SOX5: variants seen among roughly 807,000 people sequenced by gnomAD.
The protein encoded by SOX5 is transcription factor SOX-5.
A neutral mutation model predicts 92.0 loss-of-function variants in SOX5; 9 were observed. The ratio of observed to expected loss-of-function variants is 0.10; its 90% CI spans 0.06 to 0.17. SOX5 has a LOEUF of 0.17. SOX5 is among the 10% of genes least tolerant of loss of function. SOX5 has a pLI of 1.00. For synonymous variants in SOX5, 344 were observed against 336.3 expected, an observed-to-expected ratio of 1.02 and a Z score of -0.25; for missense variants, 642 against 944.5, an observed-to-expected ratio of 0.68 and a Z score of 4.20.
intron 1 of SOX5, among the ~76,000 whole-genome samples, chr12:24,502,686 G>A (rs1293302621): frequency 6.6e-6 from 1 of 152,136 alleles, no homozygotes; most frequent in African/African-American, 2.4e-5. Context: ...TAGTCTCACA[G>A]TATTTACCCC....
rs138525357 is a variant in SOX5 at position 23,717,835 on chromosome 12, G to C, written c.810+16849C>G. Among the ~76,000 whole-genome samples the C allele has an allele frequency of 5.4e-3, 819 of 152,316 alleles. 7 individuals are homozygous for C. The highest frequency in any genetic ancestry group is 0.019 in the South Asian group (93 of 4,824). ...TTAAGTTAACACTGTACTGCAAAGAGAAAAGTTTTATAACTATATTCCAGC... is the reference window on the plus strand; with the variant it reads ...TTAAGTTAACACTGTACTGCAAAGACAAAAGTTTTATAACTATATTCCAGC... On this transcript the variant is annotated intron_variant, in intron 6 of 14. Transcript: ENST00000451604.
rs1043228964 is a variant in SOX5, at chr12:24,437,579, C to T, written c.-250-68940G>A. Reference sequence around the variant, plus strand: ...ATCCAGAATCTACAAAGAACTTAAACAAATTTACAAGAAAAAACAAACAAC... The same window carrying T: ...ATCCAGAATCTACAAAGAACTTAAATAAATTTACAAGAAAAAACAAACAAC... On this transcript the variant is annotated intron_variant, in intron 1 of 4. Transcript: ENST00000446891. 3.3e-5 allele frequency among the ~76,000 whole-genome samples: 5 copies of T among 152,046 alleles called. No individual in the cohort carries two copies. In the South Asian group the frequency reaches 6.2e-4, roughly 19 times the overall value.
intron 1 of SOX5, among the ~76,000 whole-genome samples, chr12:24,480,749 G>A (rs1445778363): frequency 6.6e-6 from 1 of 151,260 alleles, no homozygotes; most frequent in Non-Finnish European, 1.5e-5. Context: ...TACATGAAAG[G>A]CAATAACAAG....
chr12:23,611,469 G>C (rs61925672), intron 8 of SOX5, among the ~76,000 whole-genome samples: 36,368 of 151,410 alleles, frequency 0.24, 5,347 homozygotes, highest in Middle Eastern at 0.36. Flanking sequence ...CCATGTCTTG[G>C]TTATCGTAAA....
chr12:24,253,634 C>T (rs187213232), intron 3 of SOX5, among the ~76,000 whole-genome samples: 4 of 152,222 alleles, frequency 2.6e-5, no homozygotes, highest in Non-Finnish European at 5.9e-5. Flanking sequence ...ATTGAATGGG[C>T]TATCATGCAG....
At chr12:23,608,219 A>G (rs952093121) in intron 8 of SOX5, among the ~76,000 whole-genome samples, 1 of 151,970 alleles carries the variant, frequency 6.6e-6, no homozygotes, top group African/African-American at 2.4e-5. Flanking sequence ...ATAACAGAAT[A>G]ACTTGACTCT....
At chr12:24,154,902 A>G (rs868013952) in intron 4 of SOX5, among the ~76,000 whole-genome samples, 1 of 152,086 alleles carries the variant, frequency 6.6e-6, no homozygotes, top group Non-Finnish European at 1.5e-5. Flanking sequence ...TTAAAAAATT[A>G]TAAAACTTGT....
intron 12 of SOX5, among the ~76,000 whole-genome samples, chr12:23,545,609 G>C (rs1297274474): frequency 6.6e-6 from 1 of 152,056 alleles, no homozygotes; most frequent in African/African-American, 2.4e-5. Flanking sequence ...TAGGGAGAAG[G>C]GTTCCAAAAT....
chr12:24,253,058 T>C (rs1381016271), intron 3 of SOX5, among the ~76,000 whole-genome samples: 2 of 151,648 alleles, frequency 1.3e-5, no homozygotes, highest in Non-Finnish European at 1.5e-5. Context: ...GCACTTCAGC[T>C]AGGAAACAAG....
intron 1 of SOX5, among the ~76,000 whole-genome samples, chr12:24,448,797 A>G (rs1437374095): frequency 6.6e-6 from 1 of 152,276 alleles, no homozygotes; most frequent in East Asian, 1.9e-4. Context: ...TCTCCAGCCC[A>G]GACCTCACTC....
At chr12:23,742,216 A>G (rs1427983496) in intron 4 of SOX5, among the ~76,000 whole-genome samples, 2 of 152,202 alleles carry the variant, frequency 1.3e-5, no homozygotes, top group African/African-American at 4.8e-5. Flanking sequence ...AGGAAGTAGC[A>G]GCTATAGTTA....
In SOX5 at chr12:24,086,758, A is replaced by G. The variant is rs1415661501; in HGVS notation, c.-2+126585T>C. Among the ~76,000 whole-genome samples the G allele has an allele frequency of 2.6e-5, 4 of 151,988 alleles. No homozygotes were observed. In the East Asian group the frequency reaches 7.7e-4, roughly 29 times the overall value. ...TTCAGCAAAACAGTTAAGCTCTTCT[A>G]TTTTCTTTCTTTACATTAGTCGTTA... On this transcript the variant is annotated intron_variant, in intron 4 of 4. Transcript: ENST00000446891.
chr12:24,521,346 C>T (rs2138486131), intron 1 of SOX5, among the ~76,000 whole-genome samples: 1 of 152,340 alleles, frequency 6.6e-6, no homozygotes, highest in African/African-American at 2.4e-5. Context: ...TGAGCCACCA[C>T]ACCTGGCCAA....
At chr12:23,855,026 T>C (rs1181583285) in intron 2 of SOX5, among the ~76,000 whole-genome samples, 1 of 151,340 alleles carries the variant, frequency 6.6e-6, no homozygotes, top group Non-Finnish European at 1.5e-5. Context: ...CCTATAAAGA[T>C]GAATAAAACA....
intron 9 of SOX5, chr12:23,582,033 T>C (rs767685847): frequency 5.2e-6 from 2 of 386,834 alleles, no homozygotes; most frequent in Non-Finnish European, 7.1e-6. Context: ...AGTAAAGGCA[T>C]TCATGAAACA....
At chr12:23,629,877 G>T (rs1174849557) in intron 8 of SOX5, among the ~76,000 whole-genome samples, 1 of 151,852 alleles carries the variant, frequency 6.6e-6, no homozygotes, top group African/African-American at 2.4e-5. Flanking sequence ...AATAAATAAA[G>T]ATTCCAGGAT....
intron 3 of SOX5, among the ~76,000 whole-genome samples, chr12:23,804,074 C>G (rs1445616074): frequency 1.3e-5 from 2 of 152,064 alleles, no homozygotes; most frequent in Admixed American, 1.3e-4. Context: ...CATCAATTCC[C>G]TTATTCAATG....
At chr12:23,708,709 A>G (rs12308223) in intron 6 of SOX5, among the ~76,000 whole-genome samples, 2,579 of 152,286 alleles carry the variant, frequency 0.017, 65 homozygotes, top group African/African-American at 0.058. Context: ...AGACATAAGG[A>G]ATATCATAAA....
chr12:23,731,011 G>A lies in SOX5; in HGVS notation c.810+3673C>T, dbSNP rs148601268. Among the ~76,000 whole-genome samples the A allele has an allele frequency of 7.2e-3, 1,099 of 152,296 alleles. 1 individual carries two copies. Among genetic ancestry groups the A allele is most frequent in the Non-Finnish European group, 0.011 (766 of 68,016 alleles). ...AACATTCACCCTCTCAATGTGGGCAGGCACCTTCTAATCTGCTGAGGATCC... is the reference window on the plus strand; with the variant it reads ...AACATTCACCCTCTCAATGTGGGCAAGCACCTTCTAATCTGCTGAGGATCC... On this transcript the variant is annotated intron_variant, in intron 6 of 14. Coordinates refer to ENST00000451604, the MANE Select transcript of SOX5 (RefSeq NM_006940.6).
Sources: gnomAD v4.1 joint callset for allele counts (sites outside exome capture counted in the v4.1 genomes callset) on GRCh38, gnomAD v4.1.1 for gene constraint, MANE v1.5 for transcripts, NCBI Gene and HGNC (gene_info 2026-07-23, HGNC 2026-07-21) for gene names.